The following RETREG1 variants were observed in gnomAD, a reference collection of about 807,000 sequenced individuals.
RETREG1 encodes family with sequence similarity 134 member B.
In RETREG1, 44 loss-of-function variants were observed where a neutral mutation model predicts 54.8. That is an observed-to-expected ratio of 0.80 (90% CI 0.63 to 1.03). The LOEUF is 1.03. Ranked by LOEUF, RETREG1 falls within the 50% of genes least tolerant of loss-of-function variation. The probability of loss-of-function intolerance (pLI) is 0.00; values close to 1 mark genes in which losing one functional copy is unlikely to be tolerated. For missense variants in RETREG1, 554 were observed against 605.1 expected, an observed-to-expected ratio of 0.92 and a Z score of 0.89; for synonymous variants, 217 against 238.5, an observed-to-expected ratio of 0.91 and a Z score of 0.83.
rs1743526281 is a variant in RETREG1, at chr5:16,616,771, C to T, written c.201G>A (p.Ala67=). 2 of 1,541,510 alleles carry T rather than the reference C, an allele frequency of 1.3e-6. No homozygotes were observed. The highest frequency in any genetic ancestry group is 1.7e-6 in the Non-Finnish European group (2 of 1,151,326). The change falls in exon 1 of 9, where the codon GCG becomes GCA. Residue 67 remains alanine (A), a synonymous_variant. Coordinates refer to ENST00000306320, the MANE Select transcript of RETREG1 (RefSeq NM_001034850.3). ...VEEAAGRAAA[A]VTWLLGEPVL... ...CCGGCTCCCCGAGCAGCCAGGTTACCGCGGCCGCCGCCCGGCCCGCGGCCT... is the reference window on the plus strand; with the variant it reads ...CCGGCTCCCCGAGCAGCCAGGTTACTGCGGCCGCCGCCCGGCCCGCGGCCT...
chr5:16,610,393 T>A (rs1167597959), intron 1 of RETREG1, among the ~76,000 whole-genome samples: 3 of 152,210 alleles, frequency 2.0e-5, no homozygotes, highest in African/African-American at 4.8e-5. Flanking sequence ...GAAAAAGGCC[T>A]ATGCATGGAC....
chr5:16,560,817 A>T (rs1444322745), intron 3 of RETREG1, among the ~76,000 whole-genome samples: 1 of 152,222 alleles, frequency 6.6e-6, no homozygotes, highest in East Asian at 1.9e-4. Flanking sequence ...CTAGTGCCAG[A>T]TGCTAAGAAT....
chr5:16,607,445 C>A (rs1164205054), intron 1 of RETREG1, among the ~76,000 whole-genome samples: 1 of 151,992 alleles, frequency 6.6e-6, no homozygotes, highest in African/African-American at 2.4e-5. Flanking sequence ...AAAACCCTGT[C>A]TCTACTAAAA....
At chr5:16,513,659 G>A (rs1021142382) in intron 3 of RETREG1, among the ~76,000 whole-genome samples, 1 of 152,208 alleles carries the variant, frequency 6.6e-6, no homozygotes, top group Non-Finnish European at 1.5e-5. Flanking sequence ...ACAGAAGAAA[G>A]AATATCTCCA....
chr5:16,582,393 ATTTTT>A (rs11322422), intron 1 of RETREG1, among the ~76,000 whole-genome samples: 1 of 147,920 alleles, frequency 6.8e-6, no homozygotes, highest in Admixed American at 6.8e-5. Context: ...TATTTCTCCT[ATTTTT>A]TTTTTCTATT....
At chr5:16,543,654 C>T (rs962157759) in intron 3 of RETREG1, among the ~76,000 whole-genome samples, 6 of 146,414 alleles carry the variant, frequency 4.1e-5, no homozygotes, top group African/African-American at 1.3e-4. Context: ...CCAGCCGGGG[C>T]GACAGGGAGA....
At chr5:16,589,195 G>A (rs1002586900) in intron 1 of RETREG1, among the ~76,000 whole-genome samples, 1 of 152,156 alleles carries the variant, frequency 6.6e-6, no homozygotes, top group African/African-American at 2.4e-5. Context: ...GCGGACTGTT[G>A]TCCCAGTTTA....
intron 3 of RETREG1, among the ~76,000 whole-genome samples, chr5:16,496,857 A>ATGTTG (rs1739482824): frequency 6.6e-6 from 1 of 152,206 alleles, no homozygotes; most frequent in South Asian, 2.1e-4. Flanking sequence ...TTTGTTGGCT[A>ATGTTG]TACAACTCTG....
At chr5:16,576,960 T>TA (rs1262605369) in intron 1 of RETREG1, among the ~76,000 whole-genome samples, 31 of 152,252 alleles carry the variant, frequency 2.0e-4, no homozygotes, top group African/African-American at 6.3e-4. Context: ...CCATCACATC[T>TA]AAAAAATTAC....
At chr5:16,477,900 T>C in intron 7 of RETREG1, 112 bp from the exon 8 acceptor site, 1 of 1,448,866 alleles carries the variant, frequency 6.9e-7, no homozygotes, top group Non-Finnish European at 9.6e-7. Flanking sequence ...CAAATGGATA[T>C]TTTTATTTTG....
chr5:16,505,451 G>A (rs966467977), intron 3 of RETREG1, among the ~76,000 whole-genome samples: 4 of 152,042 alleles, frequency 2.6e-5, no homozygotes, highest in African/African-American at 7.3e-5. Flanking sequence ...TGTGTGCTCC[G>A]TGACAGCAGG....
At chr5:16,526,788 G>T (rs568424630) in intron 3 of RETREG1, among the ~76,000 whole-genome samples, 2 of 152,246 alleles carry the variant, frequency 1.3e-5, no homozygotes, top group South Asian at 4.1e-4. Flanking sequence ...TATCACCCCC[G>T]TGGTGGTTCT....
chr5:16,602,385 G>T (rs926568031), intron 1 of RETREG1, among the ~76,000 whole-genome samples: 1 of 152,098 alleles, frequency 6.6e-6, no homozygotes, highest in Non-Finnish European at 1.5e-5. Flanking sequence ...GCCCAGTGGG[G>T]TATCAGAGGA....
In RETREG1 at chr5:16,481,023, A is replaced by G; in HGVS notation, c.656T>C (p.Leu219Pro). 6.2e-7 allele frequency: 1 copy of G among 1,610,414 alleles called. No homozygotes were observed. The highest frequency in any genetic ancestry group is 8.5e-7 in the Non-Finnish European group (1 of 1,177,054). ...ILGSYIPGVI[L>P]SYLLLLCAFL... Reference sequence around the variant, plus strand: ...ACTATACTTACACAGTAGATAGCTGAGTATAACCCCAGGAATGTAACTTCC... The same window carrying G: ...ACTATACTTACACAGTAGATAGCTGGGTATAACCCCAGGAATGTAACTTCC... Residue 219 changes from leucine to proline, a missense_variant, in exon 5 of 9, where the codon CTC (leucine) becomes CCC (proline). Physicochemically the swap from Leu to Pro is moderately conservative, Grantham distance 98. Around this residue, in one of 4 missense-constraint regions of RETREG1, gnomAD observed 347 missense variants for 412.3 expected, o/e 0.84. Coordinates refer to ENST00000306320, the MANE Select transcript of RETREG1 (RefSeq NM_001034850.3).
chr5:16,482,819 C>G (rs190916672), intron 4 of RETREG1, among the ~76,000 whole-genome samples: 1 of 152,200 alleles, frequency 6.6e-6, no homozygotes, highest in East Asian at 1.9e-4. Context: ...GACACTTCCC[C>G]CTCATGGGTT....
chr5:16,475,115 T>G lies in RETREG1; in HGVS notation c.1120A>C (p.Lys374Gln). The change falls in exon 9 of 9, where the codon AAG becomes CAG. Residue 374 changes from lysine (K) to glutamine (Q), a missense_variant. Physicochemically the swap from Lys to Gln is moderately conservative, Grantham distance 53 (BLOSUM62 1). Coordinates refer to ENST00000306320, the MANE Select transcript of RETREG1 (RefSeq NM_001034850.3). ...CTGTCCAACTGTTCCTTCTTTCTCT[T>G]GAGCTCAGTGGGCAAACCAAGGCTT... ...ELSLGLPTEL[K>Q]RKKEQLDSGH... 1 of 1,613,986 alleles carries G rather than the reference T, an allele frequency of 6.2e-7. No homozygotes were observed. Among genetic ancestry groups the G allele is most frequent in the Non-Finnish European group, 8.5e-7 (1 of 1,179,924 alleles).
At chr5:16,514,915 T>TA (rs1740297695) in intron 3 of RETREG1, among the ~76,000 whole-genome samples, 1 of 124,066 alleles carries the variant, frequency 8.1e-6, no homozygotes, top group Non-Finnish European at 1.8e-5. Flanking sequence ...ATATATATAA[T>TA]ATATATTATA....
chr5:16,610,957 A>G (rs376217083), intron 1 of RETREG1, among the ~76,000 whole-genome samples: 1 of 152,324 alleles, frequency 6.6e-6, no homozygotes, highest in South Asian at 2.1e-4. Context: ...ACATGCACAC[A>G]TATGTTTATT....
At chr5:16,506,441 C>T (rs1287016317) in intron 3 of RETREG1, among the ~76,000 whole-genome samples, 6 of 151,748 alleles carry the variant, frequency 4.0e-5, no homozygotes, top group African/African-American at 9.7e-5. Context: ...TAGCAAGAGT[C>T]AAATTCCTGT....
Sources: gnomAD v4.1 joint callset for allele counts (sites outside exome capture counted in the v4.1 genomes callset) on GRCh38, gnomAD v4.1.1 for gene constraint, gnomAD v4.1.1 regional missense constraint, MANE v1.5 for transcripts, NCBI Gene and HGNC (gene_info 2026-07-23, HGNC 2026-07-21) for gene names.